Variants in SCFD2 observed in about 807,000 individuals in gnomAD.
SCFD2 encodes sec1 family domain-containing protein 2.
A neutral mutation model predicts 58.9 loss-of-function variants in SCFD2; 54 were observed. The observed-to-expected ratio is 0.92, with a 90% CI of 0.74 to 1.15. The LOEUF (loss-of-function observed/expected upper bound fraction) is 1.15. SCFD2 is among the 50% of genes most tolerant of loss of function. SCFD2 has a pLI of 0.00. For missense variants in SCFD2, 805 were observed against 836.6 expected, an observed-to-expected ratio of 0.96 and a Z score of 0.47; for synonymous variants, 321 against 335.9, an observed-to-expected ratio of 0.96 and a Z score of 0.49.
intron 5 of SCFD2, among the ~76,000 whole-genome samples, chr4:53,079,420 T>C (rs146835841): frequency 3.7e-4 from 56 of 152,318 alleles, no homozygotes; most frequent in African/African-American, 1.3e-3. Context: ...ACCAGCTCTC[T>C]GGGCATACCT....
intron 5 of SCFD2, among the ~76,000 whole-genome samples, chr4:53,003,464 G>A (rs1459074452): frequency 1.3e-5 from 2 of 152,200 alleles, no homozygotes; most frequent in Admixed American, 6.5e-5. Flanking sequence ...ACTGGGTAAT[G>A]CAGATATAGG....
chr4:53,105,313 C>T (rs1432937957), intron 5 of SCFD2, among the ~76,000 whole-genome samples: 1 of 146,958 alleles, frequency 6.8e-6, no homozygotes, highest in African/African-American at 2.5e-5. Flanking sequence ...ACCCCAGTGG[C>T]ACCTGGAATA....
At chr4:53,299,598 A>G (rs539911328) in intron 3 of SCFD2, among the ~76,000 whole-genome samples, 3,147 of 149,116 alleles carry the variant, frequency 0.021, 73 homozygotes, top group African/African-American at 0.059. Flanking sequence ...TACAGAGAAT[A>G]CCACAAAGAT....
chr4:53,365,724 G>T lies in SCFD2; in HGVS notation c.218C>A (p.Ala73Glu). 6.2e-7 allele frequency: 1 copy of T among 1,614,138 alleles called. No homozygotes were observed. Among genetic ancestry groups the T allele is most frequent in the South Asian group, 1.1e-5 (1 of 91,080 alleles). ...CAGCAGGCAGCTCAGCACAAACACT[G>T]CCTTGGGCTGCTTGGCTCCACCACC... ...AIGGGAKQPK[A>E]VFVLSCLLKG... Residue 73 changes from alanine (A) to glutamate (E), a missense_variant, in exon 1 of 9, where the codon GCA becomes GAA. Ala to Glu is a moderately radical substitution (Grantham distance 107). This residue lies in a region of SCFD2 where 155 missense variants were observed against 149.7 expected (regional missense o/e 1.04). Coordinates refer to ENST00000401642, the MANE Select transcript of SCFD2 (RefSeq NM_152540.4). The surrounding 1 kb of genome is among the most constrained non-coding windows in gnomAD (Gnocchi z 4.3).
intron 5 of SCFD2, among the ~76,000 whole-genome samples, chr4:53,104,732 C>A (rs1370441150): frequency 1.3e-5 from 2 of 152,152 alleles, no homozygotes; most frequent in East Asian, 3.8e-4. Context: ...AAAACAAATC[C>A]ATGTCAGCTG....
At chr4:53,268,463 C>T (rs1560421116) in intron 4 of SCFD2, among the ~76,000 whole-genome samples, 2 of 152,082 alleles carry the variant, frequency 1.3e-5, no homozygotes, top group South Asian at 4.1e-4. Context: ...CAAAAGGTAT[C>T]CAGGTGGAGG....
chr4:53,325,661 G>A (rs1733169082), intron 2 of SCFD2, among the ~76,000 whole-genome samples: 1 of 152,148 alleles, frequency 6.6e-6, no homozygotes. Flanking sequence ...AAATCCCAAA[G>A]GGAAGTCACT....
chr4:52,971,820 C>A (rs1187689465), intron 5 of SCFD2, among the ~76,000 whole-genome samples: 1 of 152,144 alleles, frequency 6.6e-6, no homozygotes, highest in Admixed American at 6.5e-5. Flanking sequence ...CAGATCTCTC[C>A]GCAGAAACTC....
intron 5 of SCFD2, among the ~76,000 whole-genome samples, chr4:53,001,936 A>G (rs573117809): frequency 1.9e-4 from 29 of 152,378 alleles, no homozygotes; most frequent in African/African-American, 7.0e-4. Context: ...TGTAAAGCTA[A>G]GACTTGAATC....
chr4:53,182,213 G>C (rs535262318), intron 4 of SCFD2, among the ~76,000 whole-genome samples: 162 of 152,222 alleles, frequency 1.1e-3, no homozygotes, highest in African/African-American at 3.6e-3. Context: ...TAAGCCAAAA[G>C]AACAAAGCTG....
At chr4:53,197,782 A>T (rs1577830790) in intron 4 of SCFD2, among the ~76,000 whole-genome samples, 1 of 150,326 alleles carries the variant, frequency 6.7e-6, no homozygotes, top group Non-Finnish European at 1.5e-5. Context: ...TGAATATTTC[A>T]TCTTGCTCTA....
chr4:52,975,400 G>A (rs1356748245), intron 5 of SCFD2, among the ~76,000 whole-genome samples: 1 of 152,200 alleles, frequency 6.6e-6, no homozygotes, highest in Non-Finnish European at 1.5e-5. Flanking sequence ...CATTTATGCA[G>A]CCAACAGACA....
At chr4:53,069,669 G>A (rs1457881548) in intron 5 of SCFD2, among the ~76,000 whole-genome samples, 1 of 151,912 alleles carries the variant, frequency 6.6e-6, no homozygotes, top group Admixed American at 6.6e-5. Context: ...TTTTCCCCCA[G>A]TAATAAAAGT....
chr4:52,923,008 C>CA (rs1719776638), intron 5 of SCFD2, among the ~76,000 whole-genome samples: 1 of 152,168 alleles, frequency 6.6e-6, no homozygotes, highest in South Asian at 2.1e-4. Context: ...CTAACATACC[C>CA]AGAAGCATCC....
chr4:52,973,192 A>C (rs922935518), intron 5 of SCFD2, among the ~76,000 whole-genome samples: 1 of 152,206 alleles, frequency 6.6e-6, no homozygotes, highest in African/African-American at 2.4e-5. Flanking sequence ...GGAAATAGAG[A>C]CACAAAAAAC....
At chr4:52,917,001 G>A (rs1346572387) in intron 6 of SCFD2, among the ~76,000 whole-genome samples, 1 of 152,126 alleles carries the variant, frequency 6.6e-6, no homozygotes, top group African/African-American at 2.4e-5. Context: ...GGGTTTAAGT[G>A]ACCCTGTTGT....
intron 4 of SCFD2, among the ~76,000 whole-genome samples, chr4:53,208,577 C>A (rs1728509700): frequency 1.3e-5 from 2 of 152,090 alleles, no homozygotes; most frequent in East Asian, 3.9e-4. Flanking sequence ...GTGTGCATAC[C>A]CAATCTCCTG....
chr4:53,263,046 T>C (rs1193041164), intron 4 of SCFD2, among the ~76,000 whole-genome samples: 1 of 152,122 alleles, frequency 6.6e-6, no homozygotes, highest in African/African-American at 2.4e-5. Context: ...ATTTTATTGC[T>C]GAGACTTTCC....
intron 7 of SCFD2, among the ~76,000 whole-genome samples, chr4:52,899,666 C>G (rs566888377): frequency 0.014 from 2,058 of 152,146 alleles, 53 homozygotes; most frequent in African/African-American, 0.047. Flanking sequence ...TTGTGGCGTT[C>G]CCTGTATTTC....
Sources: gnomAD v4.1 joint callset for allele counts (sites outside exome capture counted in the v4.1 genomes callset) on GRCh38, gnomAD v4.1.1 for gene constraint, gnomAD v4.1.1 regional missense constraint, Gnocchi (gnomAD v3.1) non-coding constraint, MANE v1.5 for transcripts, NCBI Gene and HGNC (gene_info 2026-07-23, HGNC 2026-07-21) for gene names.